The following FBXO10 variants were observed in gnomAD, a reference collection of about 807,000 sequenced individuals.
The protein encoded by FBXO10 is F-box protein 10.
In FBXO10, 39 loss-of-function variants were observed where a neutral mutation model predicts 80.7. The ratio of observed to expected loss-of-function variants is 0.48; its 90% CI spans 0.37 to 0.63. The LOEUF (loss-of-function observed/expected upper bound fraction) is 0.63. Among genes scored for constraint, FBXO10 ranks in the 30% least tolerant of loss-of-function variants. The pLI is 0.00. For missense variants in FBXO10, 1,025 were observed against 1,269.0 expected, an observed-to-expected ratio of 0.81 and a Z score of 2.92; for synonymous variants, 449 against 489.6, an observed-to-expected ratio of 0.92 and a Z score of 1.09.
chr9:37,530,202 T>C (rs1017219523), intron 4 of FBXO10, among the ~76,000 whole-genome samples: 15 of 152,212 alleles, frequency 9.9e-5, no homozygotes, highest in African/African-American at 3.1e-4. Flanking sequence ...ATTGGGAAGT[T>C]AGCTGTATCT....
At chr9:37,518,008 A>G in intron 9 of FBXO10, 117 bp downstream of exon 9, 2 of 1,090,194 alleles carry the variant, frequency 1.8e-6, no homozygotes, top group South Asian at 1.6e-5. Context: ...CAGGAGGGAT[A>G]CTGTCCCTTG....
chr9:37,516,230 C>T, intron 9 of FBXO10, 145 bp from the exon 10 acceptor site: 1 of 853,912 alleles, frequency 1.2e-6, no homozygotes, highest in Non-Finnish European at 1.7e-6. Flanking sequence ...CAAAGAAGGG[C>T]ACCAAGAACA....
chr9:37,553,916 C>CAAAAAAAAAAAAAAA (rs71494669), intron 1 of FBXO10, among the ~76,000 whole-genome samples: 2 of 64,322 alleles, frequency 3.1e-5, no homozygotes, highest in African/African-American at 1.3e-4. Flanking sequence ...AAGTCTGCCT[C>CAAAAAAAAAAAAAAA]AAAAAAAAAA....
chr9:37,528,641 A>T (rs781114434), intron 5 of FBXO10, among the ~76,000 whole-genome samples: 7 of 152,068 alleles, frequency 4.6e-5, no homozygotes, highest in Non-Finnish European at 1.0e-4. Flanking sequence ...TCTGCCCCAT[A>T]CTAGAGCTGG....
chr9:37,531,988 C>G lies in FBXO10; in HGVS notation c.1490G>C (p.Gly497Ala). 6.2e-7 allele frequency: 1 copy of G among 1,614,004 alleles called. No individual in the cohort carries two copies. Among genetic ancestry groups the G allele is most frequent in the Non-Finnish European group, 8.5e-7 (1 of 1,179,882 alleles). Reference protein sequence around the residue: ...SGIFLRLEGGGLIAGNNIYHN... With the variant: ...SGIFLRLEGGALIAGNNIYHN... The stretch of plus-strand genomic sequence containing the variant: ...GTAAATGTTGTTGCCGGCAATCAAG[C>G]CACCGCCCTCCAAGCGAAGAAAGAT... Residue 497 changes from glycine (G) to alanine (A), a missense_variant, in exon 4 of 11, where the codon GGC becomes GCC. Around this residue, in one of 3 missense-constraint regions of FBXO10, gnomAD observed 478 missense variants for 667.8 expected, o/e 0.72. Coordinates refer to ENST00000432825, the MANE Select transcript of FBXO10 (RefSeq NM_012166.3).
At chr9:37,516,244 T>G (rs1005176611) in intron 9 of FBXO10, among the ~76,000 whole-genome samples, 159 bp from the exon 10 acceptor site, 2 of 152,078 alleles carry the variant, frequency 1.3e-5, no homozygotes, top group Non-Finnish European at 2.9e-5. Context: ...AAGAACAGCC[T>G]GGGGGAGCCA....
At chr9:37,531,151 C>T (rs1364290547) in intron 4 of FBXO10, among the ~76,000 whole-genome samples, 2 of 152,076 alleles carry the variant, frequency 1.3e-5, no homozygotes, top group Non-Finnish European at 2.9e-5. Context: ...AAGTAAATAT[C>T]TATGAAGTGC....
chr9:37,565,717 C>T (rs1024890834), intron 1 of FBXO10, among the ~76,000 whole-genome samples: 7 of 152,322 alleles, frequency 4.6e-5, no homozygotes, highest in East Asian at 1.9e-4. Flanking sequence ...CCCAATCACT[C>T]GTTAGAGAGG....
intron 3 of FBXO10, among the ~76,000 whole-genome samples, chr9:37,532,990 A>G (rs1821667688): frequency 6.6e-6 from 1 of 152,190 alleles, no homozygotes; most frequent in African/African-American, 2.4e-5. Flanking sequence ...TGCACATCCT[A>G]AATCTTTCAT....
In FBXO10 at chr9:37,553,567, A is replaced by AT. The variant is rs376262730; in HGVS notation, c.-6-11794dup. The stretch of plus-strand genomic sequence containing the variant: ...TTCTTTAAGAAGTTGTCTTTAAAAA[A>AT]TGTTCATTGAGAAAATTGTAGATTC... On this transcript the variant is annotated intron_variant, in intron 1 of 10. Transcript: ENST00000432825. 1.0e-3 allele frequency among the ~76,000 whole-genome samples: 152 copies of AT among 152,182 alleles called. 1 individual carries two copies. The highest frequency in any genetic ancestry group is 3.6e-3 in the African/African-American group (148 of 41,530).
At chr9:37,523,692 C>T (rs993276041) in intron 6 of FBXO10, among the ~76,000 whole-genome samples, 33 of 152,160 alleles carry the variant, frequency 2.2e-4, no homozygotes, top group Admixed American at 8.5e-4. Context: ...GAGGCTGAGA[C>T]GGGCGGATCA....
At chr9:37,531,504 C>T (rs543856804) in intron 4 of FBXO10, among the ~76,000 whole-genome samples, 6 of 152,226 alleles carry the variant, frequency 3.9e-5, no homozygotes, top group South Asian at 2.1e-4. Context: ...ACTAAATACC[C>T]GAAATGTCCT....
chr9:37,538,846 C>CA (rs199947767), intron 2 of FBXO10, among the ~76,000 whole-genome samples: 1,615 of 152,280 alleles, frequency 0.011, 14 homozygotes, highest in Non-Finnish European at 0.016. Context: ...ATGCTAGGCA[C>CA]AAACTTAGCA....
At chr9:37,553,884 C>A (rs1390662556) in intron 1 of FBXO10, among the ~76,000 whole-genome samples, 2 of 141,670 alleles carry the variant, frequency 1.4e-5, no homozygotes, top group Non-Finnish European at 3.0e-5. Context: ...GCATTGCACT[C>A]CAGCCCGGGC....
At chr9:37,556,186 C>T (rs542143773) in intron 1 of FBXO10, among the ~76,000 whole-genome samples, 2 of 152,272 alleles carry the variant, frequency 1.3e-5, no homozygotes, top group East Asian at 1.9e-4. Flanking sequence ...ATCTACTTGT[C>T]AATCCTTATG....
At position 37,525,785 on chromosome 9, in the gene FBXO10, C is replaced by T. The variant is rs541002676; in HGVS notation, c.1707-613G>A. Among the ~76,000 whole-genome samples, 220 of 152,240 alleles carry T rather than the reference C, an allele frequency of 1.4e-3. 1 individual carries two copies. The highest frequency in any genetic ancestry group is 4.7e-3 in the African/African-American group (196 of 41,540). On this transcript the variant is annotated intron_variant, in intron 5 of 10. Transcript: ENST00000432825. The stretch of plus-strand genomic sequence containing the variant: ...AACTCCTGGCCTCAAGTGACCCATC[C>T]GCCTCAGCCTCCTAAAGTGCTGGGA...
intron 1 of FBXO10, among the ~76,000 whole-genome samples, chr9:37,553,871 A>T (rs995373593): frequency 7.1e-6 from 1 of 140,386 alleles, no homozygotes; most frequent in African/African-American, 2.7e-5. Flanking sequence ...AGCCGAGATC[A>T]TGGCATTGCA....
chr9:37,529,853 T>G (rs78937154), intron 4 of FBXO10, among the ~76,000 whole-genome samples: 1 of 151,422 alleles, frequency 6.6e-6, no homozygotes, highest in East Asian at 1.9e-4. Flanking sequence ...TTTTTTTTTT[T>G]GGTAGAGACA....
chr9:37,553,936 A>AG (rs1554648221), intron 1 of FBXO10, among the ~76,000 whole-genome samples: 34 of 148,974 alleles, frequency 2.3e-4, no homozygotes, highest in African/African-American at 7.1e-4. Flanking sequence ...AAAAAAAAAA[A>AG]AAAGAAAGAA....
Sources: allele counts gnomAD v4.1 joint callset (sites outside exome capture counted in the v4.1 genomes callset), GRCh38; gene constraint gnomAD v4.1.1; regional missense constraint gnomAD v4.1.1; transcripts MANE v1.5; gene names NCBI Gene and HGNC (gene_info 2026-07-23, HGNC 2026-07-21).